CAST: variants seen among roughly 807,000 people sequenced by gnomAD.
CAST encodes the protein MIR583 host.
CAST carries 76 observed loss-of-function variants against 119.6 expected under a neutral mutation model. That is an observed-to-expected ratio of 0.64 (90% CI 0.53 to 0.77). The LOEUF (loss-of-function observed/expected upper bound fraction) is 0.77, where lower values mean the gene tolerates loss of function less well. Ranked by LOEUF, CAST falls within the 30% of genes least tolerant of loss-of-function variation. The probability of loss-of-function intolerance (pLI) is 0.00; values close to 1 mark genes in which losing one functional copy is unlikely to be tolerated. For synonymous variants in CAST, 319 were observed against 331.6 expected (o/e 0.96, Z 0.41); for missense variants, 953 against 946.5 (o/e 1.01, Z -0.09).
chr5:96,059,299 G>C, the CAST span, among the ~76,000 whole-genome samples: 1,303 of 152,234 alleles, frequency 8.6e-3, 25 homozygotes, highest in African/African-American at 0.03. Flanking sequence ...AGGAGGCTGA[G>C]AGCAACCACC....
the CAST span, among the ~76,000 whole-genome samples, chr5:96,286,404 A>C: frequency 6.6e-6 from 1 of 152,188 alleles, no homozygotes; most frequent in African/African-American, 2.4e-5. Context: ...CAATTATTTT[A>C]GAGAAATCTT....
chr5:95,968,611 C>T, the CAST span, among the ~76,000 whole-genome samples: 1 of 152,082 alleles, frequency 6.6e-6, no homozygotes, highest in African/African-American at 2.4e-5. Context: ...CATGTCATGA[C>T]AAAAAGCAGA....
chr5:96,427,361 T>C, the CAST span, among the ~76,000 whole-genome samples: 14 of 152,160 alleles, frequency 9.2e-5, no homozygotes, highest in African/African-American at 2.7e-4. Context: ...TAGAGGAAAA[T>C]TGGTAGTGTC....
At chr5:96,595,621 C>T (rs1287866695) in intron 1 of CAST, among the ~76,000 whole-genome samples, 1 of 152,050 alleles carries the variant, frequency 6.6e-6, no homozygotes, top group African/African-American at 2.4e-5. Flanking sequence ...TGGGCTCAGG[C>T]AAGGCACTCA....
chr5:96,294,542 A>G, the CAST span, among the ~76,000 whole-genome samples: 1 of 152,226 alleles, frequency 6.6e-6, no homozygotes, highest in South Asian at 2.1e-4. Flanking sequence ...GTTGTGTAGA[A>G]AAGAAATTGC....
chr5:96,395,613 A>T, the CAST span, among the ~76,000 whole-genome samples: 1 of 152,002 alleles, frequency 6.6e-6, no homozygotes, highest in Admixed American at 6.5e-5. Flanking sequence ...GGGCACAGGG[A>T]GGGGAACATC....
the CAST span, among the ~76,000 whole-genome samples, chr5:96,515,921 G>A: frequency 1.3e-5 from 2 of 151,368 alleles, no homozygotes; most frequent in African/African-American, 2.4e-5. Context: ...TGGAACCACT[G>A]ATAAACTCTC....
intron 1 of CAST, among the ~76,000 whole-genome samples, chr5:96,640,466 A>G (rs1363835196): frequency 6.6e-6 from 1 of 152,354 alleles, no homozygotes; most frequent in East Asian, 1.9e-4. Flanking sequence ...ACTCTTCTCC[A>G]GATAGTAAAA....
At chr5:96,760,928 A>G (rs576329063) in intron 24 of CAST, 1 of 152,144 alleles carries the variant, frequency 6.6e-6, no homozygotes, top group South Asian at 2.1e-4. Flanking sequence ...ACTAAAAAGC[A>G]TTTTTCAGTA....
chr5:96,459,502 G>T, the CAST span, among the ~76,000 whole-genome samples: 3 of 152,068 alleles, frequency 2.0e-5, no homozygotes, highest in African/African-American at 7.2e-5. Context: ...ATAATTTGCT[G>T]ACTTAGAAAA....
intron 4 of CAST, among the ~76,000 whole-genome samples, chr5:96,725,759 A>C (rs1759140801): frequency 6.6e-6 from 1 of 152,234 alleles, no homozygotes; most frequent in South Asian, 2.1e-4. Flanking sequence ...CTATTAATAG[A>C]TTCAAAGCAC....
the CAST span, among the ~76,000 whole-genome samples, chr5:96,113,383 G>A: frequency 6.6e-6 from 1 of 152,350 alleles, no homozygotes; most frequent in African/African-American, 2.4e-5. Context: ...AAACAGAAGT[G>A]TTTGAACCAC....
chr5:96,712,744 A>G (rs1756425626), intron 3 of CAST, among the ~76,000 whole-genome samples: 1 of 152,198 alleles, frequency 6.6e-6, no homozygotes, highest in Non-Finnish European at 1.5e-5. Flanking sequence ...GGTTTCCAGA[A>G]TAACATTTTA....
chr5:96,576,096 T>A (rs1746663760), intron 1 of CAST, among the ~76,000 whole-genome samples: 1 of 152,222 alleles, frequency 6.6e-6, no homozygotes, highest in Admixed American at 6.5e-5. Flanking sequence ...TTTTAAATCA[T>A]TTTTAGATTT....
chr5:96,654,011 CG>C (rs1357448184), intron 1 of CAST, among the ~76,000 whole-genome samples: 1 of 144,732 alleles, frequency 6.9e-6, no homozygotes, highest in African/African-American at 2.5e-5. Flanking sequence ...TTCTCCTTAT[CG>C]TTTTCTTTTC....
At chr5:95,981,792 T>A in the CAST span, among the ~76,000 whole-genome samples, 2 of 152,140 alleles carry the variant, frequency 1.3e-5, no homozygotes, top group Admixed American at 1.3e-4. Context: ...GGAGAATCAC[T>A]TGAACCCGGG....
At chr5:96,412,752 G>GTTTTTTTTTTTTTTGTT in the CAST span, among the ~76,000 whole-genome samples, 1 of 71,832 alleles carries the variant, frequency 1.4e-5, no homozygotes, top group African/African-American at 9.0e-5. Flanking sequence ...CAGCTGTGAT[G>GTTTTTTTTTTTTTTGTT]TTTTTTTTTT....
At chr5:96,205,827 A>G in the CAST span, among the ~76,000 whole-genome samples, 1 of 152,112 alleles carries the variant, frequency 6.6e-6, no homozygotes, top group Non-Finnish European at 1.5e-5. Context: ...CTTTGGGTAT[A>G]TACCCAATAT....
intron 10 of CAST, among the ~76,000 whole-genome samples, chr5:96,737,103 G>A (rs1258861900): frequency 1.3e-5 from 2 of 152,264 alleles, no homozygotes; most frequent in South Asian, 2.1e-4. Flanking sequence ...CAATGATCCA[G>A]TCACCTCCCT....
Sources: allele counts gnomAD v4.1 joint callset (sites outside exome capture counted in the v4.1 genomes callset), GRCh38; gene constraint gnomAD v4.1.1; transcripts MANE v1.5; gene names NCBI Gene and HGNC (gene_info 2026-07-23, HGNC 2026-07-21).